Variants in XNDC1N observed in about 807,000 individuals in gnomAD.
The protein encoded by XNDC1N is XRCC1 N-terminal domain containing 1, N-terminal like.
chr11:71,889,594 A>G, the XNDC1N span, among the ~76,000 whole-genome samples: 6 of 152,106 alleles, frequency 3.9e-5, no homozygotes, highest in African/African-American at 1.4e-4. Flanking sequence ...TGTGCAAGAA[A>G]CCACCCATCG....
At chr11:71,901,821 G>A in the XNDC1N span, among the ~76,000 whole-genome samples, 1 of 152,044 alleles carries the variant, frequency 6.6e-6, no homozygotes, top group Non-Finnish European at 1.5e-5. Context: ...TGATGATTAA[G>A]CTGATCGTGG....
the XNDC1N span, among the ~76,000 whole-genome samples, chr11:71,907,960 A>G: frequency 6.6e-6 from 1 of 152,168 alleles, no homozygotes. Context: ...ATGCACACTC[A>G]GTGCTATATT....
the XNDC1N span, among the ~76,000 whole-genome samples, chr11:71,909,463 C>A: frequency 2.0e-5 from 3 of 152,108 alleles, no homozygotes; most frequent in Admixed American, 2.0e-4. Flanking sequence ...CAAAAGAAAA[C>A]AAGGTGACTC....
At chr11:71,892,365 G>T in the XNDC1N span, among the ~76,000 whole-genome samples, 2 of 152,050 alleles carry the variant, frequency 1.3e-5, no homozygotes, top group Non-Finnish European at 2.9e-5. Context: ...GTGATATCAG[G>T]AGTCGTATCT....
the XNDC1N span, among the ~76,000 whole-genome samples, chr11:71,889,087 G>A: frequency 2.0e-5 from 3 of 152,158 alleles, no homozygotes; most frequent in Non-Finnish European, 2.9e-5. Flanking sequence ...ATTGCCCCAG[G>A]CCACTTCAGC....
the XNDC1N span, among the ~76,000 whole-genome samples, chr11:71,911,900 C>A: frequency 1.3e-5 from 2 of 152,134 alleles, no homozygotes; most frequent in Non-Finnish European, 2.9e-5. Flanking sequence ...CCTCAAGCAC[C>A]TGATCTTGGA....
chr11:71,886,068 G>A, the XNDC1N span, among the ~76,000 whole-genome samples: 2 of 152,090 alleles, frequency 1.3e-5, no homozygotes. Flanking sequence ...CGACCCAAAA[G>A]GGGACACAAA....
At chr11:71,890,227 T>G in the XNDC1N span, among the ~76,000 whole-genome samples, 11,074 of 152,104 alleles carry the variant, frequency 0.073, 655 homozygotes, top group African/African-American at 0.16. Context: ...TAACACAGGG[T>G]TGATGTACAC....
chr11:71,879,021 A>C, the XNDC1N span, among the ~76,000 whole-genome samples: 24 of 152,276 alleles, frequency 1.6e-4, no homozygotes, highest in South Asian at 5.0e-3. Flanking sequence ...ATAAAAAAAA[A>C]TAAACTTACT....
the XNDC1N span, among the ~76,000 whole-genome samples, chr11:71,878,107 G>A: frequency 8.1e-4 from 124 of 152,300 alleles, 1 homozygote; most frequent in African/African-American, 2.9e-3. Context: ...AAAATAAAAT[G>A]AATGCTTTTC....
chr11:71,875,545 G>C, the XNDC1N span, among the ~76,000 whole-genome samples: 4 of 152,028 alleles, frequency 2.6e-5, no homozygotes, highest in Non-Finnish European at 4.4e-5. Context: ...GCCACTTGTG[G>C]GGTAAGAAGT....
chr11:71,867,296 A>G, the XNDC1N span, among the ~76,000 whole-genome samples: 2 of 152,236 alleles, frequency 1.3e-5, no homozygotes, highest in African/African-American at 4.8e-5. Flanking sequence ...ATCCACCCAC[A>G]GAACAGTGAT....
chr11:71,883,395 A>G, the XNDC1N span, among the ~76,000 whole-genome samples: 4 of 152,238 alleles, frequency 2.6e-5, no homozygotes, highest in African/African-American at 9.6e-5. Context: ...AGATAGACAT[A>G]TAGGCCACTG....
At chr11:71,924,987 A>G in the XNDC1N span, among the ~76,000 whole-genome samples, 9 of 151,336 alleles carry the variant, frequency 5.9e-5, no homozygotes, top group Non-Finnish European at 8.8e-5. Context: ...TCTTTTTCTT[A>G]CCCTCCCCAC....
chr11:71,886,383 C>T, the XNDC1N span, among the ~76,000 whole-genome samples: 3 of 152,020 alleles, frequency 2.0e-5, no homozygotes, highest in African/African-American at 7.3e-5. Context: ...TTATCAAAAC[C>T]CCCAAGAGTA....
the XNDC1N span, among the ~76,000 whole-genome samples, chr11:71,892,331 G>A: frequency 6.8e-4 from 103 of 152,176 alleles, no homozygotes; most frequent in Non-Finnish European, 1.3e-3. Context: ...ATCACAGGGT[G>A]TACCAACATG....
At chr11:71,919,135 A>G in the XNDC1N span, 12 of 638,256 alleles carry the variant, frequency 1.9e-5, no homozygotes, top group Middle Eastern at 2.1e-3. Flanking sequence ...TCATCCTAAC[A>G]TGATAGAAAA....
At chr11:71,881,116 GC>G in the XNDC1N span, among the ~76,000 whole-genome samples, 2 of 152,122 alleles carry the variant, frequency 1.3e-5, no homozygotes, top group Non-Finnish European at 2.9e-5. Flanking sequence ...GGGTATTGAA[GC>G]CCTCAGTTAT....
chr11:71,916,421 T>C, the XNDC1N span, among the ~76,000 whole-genome samples: 1 of 152,152 alleles, frequency 6.6e-6, no homozygotes, highest in Admixed American at 6.5e-5. Flanking sequence ...CAGGGTATGG[T>C]AATGCCAAGC....
Sources: allele counts gnomAD v4.1 joint callset (sites outside exome capture counted in the v4.1 genomes callset), GRCh38; gene constraint gnomAD v4.1.1; transcripts MANE v1.5; gene names NCBI Gene and HGNC (gene_info 2026-07-23, HGNC 2026-07-21).